The following STPG2 variants were observed in gnomAD, a reference collection of about 807,000 sequenced individuals.
STPG2 encodes the protein sperm tail PG-rich repeat containing 2.
Under a neutral mutation model 54.2 loss-of-function variants are expected in STPG2, and 56 were observed. That is an observed-to-expected ratio of 1.03 (90% confidence interval 0.83 to 1.29). STPG2 has a LOEUF of 1.29. STPG2 is among the 50% of genes most tolerant of loss of function. STPG2 has a pLI of 0.00. For missense variants in STPG2, 596 were observed against 544.9 expected (o/e 1.09, Z -0.93); for synonymous variants, 200 against 181.8 (o/e 1.10, Z -0.81).
chr4:97,740,963 A>G (rs1725207567), intron 9 of STPG2, among the ~76,000 whole-genome samples: 1 of 152,192 alleles, frequency 6.6e-6, no homozygotes, highest in African/African-American at 2.4e-5. Flanking sequence ...ACTTCAAACT[A>G]TACTACAAGA....
intron 5 of STPG2, among the ~76,000 whole-genome samples, chr4:98,049,197 A>C (rs1014513211): frequency 6.6e-6 from 1 of 152,220 alleles, no homozygotes; most frequent in African/African-American, 2.4e-5. Flanking sequence ...CTAAATAAGA[A>C]TTAAATTTGT....
At chr4:97,593,564 A>G (rs892689138) in intron 10 of STPG2, among the ~76,000 whole-genome samples, 7 of 152,130 alleles carry the variant, frequency 4.6e-5, no homozygotes, top group African/African-American at 1.7e-4. Flanking sequence ...CAGCAGCCCA[A>G]CGCCTGTCAG....
intron 4 of STPG2, among the ~76,000 whole-genome samples, chr4:97,466,441 G>A (rs1172833559): frequency 6.6e-6 from 1 of 152,032 alleles, no homozygotes; most frequent in Non-Finnish European, 1.5e-5. Flanking sequence ...TTTTGTGAAT[G>A]GGGCTAGGTG....
At chr4:97,794,134 T>A (rs950703329) in intron 9 of STPG2, among the ~76,000 whole-genome samples, 1 of 152,110 alleles carries the variant, frequency 6.6e-6, no homozygotes, top group African/African-American at 2.4e-5. Context: ...CCCCAAATGC[T>A]ATACTTTAAG....
chr4:98,050,538 A>C (rs1737286270), intron 5 of STPG2, among the ~76,000 whole-genome samples: 1 of 152,100 alleles, frequency 6.6e-6, no homozygotes, highest in Non-Finnish European at 1.5e-5. Context: ...TCTGACAGAG[A>C]GCTCATTACA....
chr4:97,794,523 A>G (rs1727105698), intron 9 of STPG2, among the ~76,000 whole-genome samples: 1 of 152,158 alleles, frequency 6.6e-6, no homozygotes, highest in African/African-American at 2.4e-5. Context: ...GAAAATTGCA[A>G]AGTGTTTTAA....
intron 4 of STPG2, among the ~76,000 whole-genome samples, chr4:97,444,937 T>C (rs912980040): frequency 6.6e-6 from 1 of 152,108 alleles, no homozygotes; most frequent in Non-Finnish European, 1.5e-5. Flanking sequence ...CTCAGGAGGC[T>C]GAGGCAAGAG....
chr4:97,944,105 T>G, intron 7 of STPG2, 98 bp from the exon 8 acceptor site: 3 of 769,248 alleles, frequency 3.9e-6, no homozygotes, highest in Non-Finnish European at 6.4e-6. Context: ...ATCAGTATTA[T>G]CTGGCATTAA....
At chr4:97,454,972 T>C (rs1005314168) in intron 4 of STPG2, among the ~76,000 whole-genome samples, 1 of 152,184 alleles carries the variant, frequency 6.6e-6, no homozygotes, top group Admixed American at 6.5e-5. Context: ...AAAATATTCC[T>C]ACTACAGCAC....
chr4:97,865,547 A>G (rs1729736301), intron 8 of STPG2, among the ~76,000 whole-genome samples: 2 of 152,154 alleles, frequency 1.3e-5, no homozygotes, highest in South Asian at 2.1e-4. Context: ...TTAGGTATCT[A>G]GAACTAGAAA....
At chr4:98,082,387 G>A (rs1738373050) in intron 5 of STPG2, among the ~76,000 whole-genome samples, 1 of 140,906 alleles carries the variant, frequency 7.1e-6, no homozygotes, top group Non-Finnish European at 1.5e-5. Context: ...TTAAAGAAAC[G>A]TGTACCTGGT....
At chr4:97,578,041 C>T (rs1342869701) in intron 10 of STPG2, among the ~76,000 whole-genome samples, 1 of 151,796 alleles carries the variant, frequency 6.6e-6, no homozygotes, top group Non-Finnish European at 1.5e-5. Context: ...AACACGCCTC[C>T]TGTTAGATTT....
intron 9 of STPG2, among the ~76,000 whole-genome samples, chr4:97,737,111 G>A (rs988596984): frequency 1.3e-5 from 2 of 152,288 alleles, no homozygotes; most frequent in Non-Finnish European, 2.9e-5. Context: ...GGTCTGGAGT[G>A]GACCTCTAGC....
intron 9 of STPG2, among the ~76,000 whole-genome samples, chr4:97,768,041 T>C (rs535262794): frequency 3.0e-4 from 45 of 151,678 alleles, no homozygotes; most frequent in Admixed American, 4.6e-4. Context: ...GTGGCGGGCG[T>C]CTGTAGTCCC....
At chr4:97,593,858 C>T (rs1435679434) in intron 10 of STPG2, among the ~76,000 whole-genome samples, 5 of 149,618 alleles carry the variant, frequency 3.3e-5, no homozygotes, top group Admixed American at 1.3e-4. Context: ...TAGGTAACCG[C>T]CCCCCAAGAT....
intron 4 of STPG2, among the ~76,000 whole-genome samples, chr4:97,543,658 A>T (rs56006708): frequency 0.11 from 16,196 of 152,144 alleles, 2,572 homozygotes; most frequent in African/African-American, 0.35. Flanking sequence ...TGTGATAATC[A>T]AAATTATGTA....
intron 3 of STPG2, among the ~76,000 whole-genome samples, chr4:98,115,056 C>A (rs1560686057): frequency 6.6e-6 from 1 of 151,876 alleles, no homozygotes; most frequent in Non-Finnish European, 1.5e-5. Context: ...GAAGCAAACT[C>A]AGCATGGAAC....
At chr4:98,096,405 GAA>G (rs59366253) in intron 5 of STPG2, among the ~76,000 whole-genome samples, 35 of 150,584 alleles carry the variant, frequency 2.3e-4, no homozygotes, top group Middle Eastern at 3.4e-3. Context: ...CTCAAAAAAA[GAA>G]AAAAAAAAAT....
chr4:98,141,298 C>G (rs949690080), intron 1 of STPG2, among the ~76,000 whole-genome samples: 6 of 152,196 alleles, frequency 3.9e-5, no homozygotes, highest in African/African-American at 1.4e-4. Flanking sequence ...AATCAACACT[C>G]TATAGAGAAT....
Sources: allele counts gnomAD v4.1 joint callset (sites outside exome capture counted in the v4.1 genomes callset), GRCh38; gene constraint gnomAD v4.1.1; transcripts MANE v1.5; gene names NCBI Gene and HGNC (gene_info 2026-07-23, HGNC 2026-07-21).